The following SERINC1 variants were observed in gnomAD, a reference collection of about 807,000 sequenced individuals.
The protein encoded by SERINC1 is serine incorporator 1, also known as tumor differentially expressed protein 2.
In SERINC1, 38 loss-of-function variants were observed where a neutral mutation model predicts 52.9. The observed-to-expected ratio is 0.72, with a 90% CI of 0.55 to 0.94. The LOEUF is 0.94. Ranked by LOEUF, SERINC1 falls within the 40% of genes least tolerant of loss-of-function variation. The pLI is 0.00. For missense variants in SERINC1, 471 were observed against 533.9 expected, an observed-to-expected ratio of 0.88 and a Z score of 1.16; for synonymous variants, 198 against 183.1, an observed-to-expected ratio of 1.08 and a Z score of -0.66.
intron 5 of SERINC1, among the ~76,000 whole-genome samples, chr6:122,452,700 T>C (rs911839550): frequency 2.0e-5 from 3 of 152,190 alleles, no homozygotes; most frequent in Admixed American, 6.5e-5. Flanking sequence ...AAATATTTAT[T>C]GAATGCCTGC....
At chr6:122,455,739 G>A (rs1774981706) in intron 3 of SERINC1, among the ~76,000 whole-genome samples, 1 of 151,974 alleles carries the variant, frequency 6.6e-6, no homozygotes, top group South Asian at 2.1e-4. Flanking sequence ...ATTCATTATG[G>A]AAAAATGAGA....
chr6:122,451,925 A>G lies in SERINC1; in HGVS notation c.722T>C (p.Val241Ala), dbSNP rs1344368850. Residue 241 changes from valine (V) to alanine (A), a missense_variant, in exon 6 of 10, where the codon GTT becomes GCT. Physicochemically the swap from Val to Ala is moderately conservative, Grantham distance 64. Transcript: ENST00000339697. The part of the protein sequence containing the change: ...AFISVNMLLC[V>A]GASVMSILPK... Reference sequence around the variant, plus strand: ...CAGTATAGACATTACAGAAGCACCAACGCAGAGGAGCATGTTGACACTGAT... The same window carrying G: ...CAGTATAGACATTACAGAAGCACCAGCGCAGAGGAGCATGTTGACACTGAT... The G allele has an allele frequency of 3.1e-6, 5 of 1,596,710 alleles. No homozygotes were observed. In the African/African-American group the frequency reaches 6.8e-5, roughly 22 times the overall value.
In SERINC1 at chr6:122,444,797, C is replaced by T; in HGVS notation, c.*247G>A. ...CACAACTATAGAGCAGAGAATAAGC[C>T]CAATAATGGCCACTTTTACTAACTC... is the stretch of plus-strand genomic sequence containing the variant. On this transcript the variant is annotated 3_prime_UTR_variant, in exon 10 of 10. Transcript: ENST00000339697. The T allele has an allele frequency of 2.2e-6, 1 of 445,822 alleles. No individual in the cohort carries two copies. Among genetic ancestry groups the T allele is most frequent in the Non-Finnish European group, 4.0e-6 (1 of 251,000 alleles). The allele number at this position is 445,822 out of a possible 1,614,324, so 27.6% of individuals were successfully genotyped here. A position where few individuals can be genotyped will look rare whatever the true frequency, so the allele number is the denominator to read the frequency against.
intron 5 of SERINC1, among the ~76,000 whole-genome samples, chr6:122,453,029 A>G (rs1774938843): frequency 1.3e-5 from 2 of 152,196 alleles, no homozygotes; most frequent in Non-Finnish European, 2.9e-5. Flanking sequence ...AAAATCAAGC[A>G]ATACTAAGTT....
chr6:122,447,276 A>G lies in SERINC1; in HGVS notation c.851-11T>C. ...GGTTGCAATTTGTTTCTGTAATATA[A>G]AGCCAAATTAAAATGTTAGAATATA... On this transcript the variant is annotated splice_polypyrimidine_tract_variant and intron_variant, in intron 7 of 9. Coordinates refer to ENST00000339697, the MANE Select transcript of SERINC1 (RefSeq NM_020755.4). 1 of 1,582,544 alleles carries G rather than the reference A, an allele frequency of 6.3e-7. No individual in the cohort carries two copies.
intron 1 of SERINC1, among the ~76,000 whole-genome samples, chr6:122,463,574 T>G (rs1053112677): frequency 6.6e-6 from 1 of 152,156 alleles, no homozygotes; most frequent in African/African-American, 2.4e-5. Context: ...AAAAGGCATA[T>G]AGACAGCAAA....
intron 3 of SERINC1, among the ~76,000 whole-genome samples, chr6:122,456,270 C>CTGTG (rs1180288618): frequency 6.6e-6 from 1 of 152,120 alleles, no homozygotes; most frequent in African/African-American, 2.4e-5. Context: ...ATATAAAACA[C>CTGTG]TGTGGATCAG....
chr6:122,469,836 C>T (rs1446351230), intron 1 of SERINC1, among the ~76,000 whole-genome samples: 2 of 152,056 alleles, frequency 1.3e-5, no homozygotes, highest in Non-Finnish European at 2.9e-5. Context: ...GGATTACAGG[C>T]GTGAGCCACT....
chr6:122,449,953 G>C (rs149083175), intron 7 of SERINC1, among the ~76,000 whole-genome samples: 1 of 152,318 alleles, frequency 6.6e-6, no homozygotes, highest in African/African-American at 2.4e-5. Flanking sequence ...GACAGAAGTT[G>C]CAGTGAACGG....
chr6:122,456,458 T>A, intron 3 of SERINC1, 23 bp downstream of exon 3: 7 of 1,454,758 alleles, frequency 4.8e-6, no homozygotes, highest in Non-Finnish European at 6.4e-6. Flanking sequence ...AGCTTTTATA[T>A]TGAAGCTTAT....
chr6:122,465,571 T>A (rs777159006), intron 1 of SERINC1, among the ~76,000 whole-genome samples: 1 of 152,196 alleles, frequency 6.6e-6, no homozygotes, highest in South Asian at 2.1e-4. Context: ...GATCTATCAA[T>A]AGCCCTAGAT....
At chr6:122,449,270 A>T (rs1430294934) in intron 7 of SERINC1, among the ~76,000 whole-genome samples, 1 of 152,244 alleles carries the variant, frequency 6.6e-6, no homozygotes, top group Non-Finnish European at 1.5e-5. Context: ...TAGTTAAGAA[A>T]GCATGCCAAA....
intron 3 of SERINC1, among the ~76,000 whole-genome samples, chr6:122,455,403 A>G (rs1371377798): frequency 2.0e-5 from 3 of 152,054 alleles, no homozygotes; most frequent in Non-Finnish European, 4.4e-5. Context: ...GCAGGCAAAA[A>G]AAAAAAGTGA....
At chr6:122,445,216 G>T in intron 9 of SERINC1, 37 bp from the exon 10 acceptor site, 1 of 1,600,686 alleles carries the variant, frequency 6.2e-7, no homozygotes. Context: ...AAGGGGCAAG[G>T]GGGTTGAATT....
chr6:122,445,883 CAAA>C (rs71018202), intron 9 of SERINC1, among the ~76,000 whole-genome samples: 6 of 62,830 alleles, frequency 9.5e-5, no homozygotes, highest in African/African-American at 1.3e-4. Context: ...GACTCCATTT[CAAA>C]AAAAAAAAAA....
At chr6:122,469,230 T>C (rs1775234181) in intron 1 of SERINC1, among the ~76,000 whole-genome samples, 1 of 150,340 alleles carries the variant, frequency 6.7e-6, no homozygotes, top group Non-Finnish European at 1.5e-5. Context: ...AATTATTTTA[T>C]AAATAAGGAA....
At position 122,460,335 on chromosome 6, in the gene SERINC1, A is replaced by G. The variant is rs192441912; in HGVS notation, c.40-1654T>C. The stretch of plus-strand genomic sequence containing the variant: ...GGTGATCCGCCTACCTCGGCCTCCC[A>G]AAGTGCTGGGATTACAGGTGTGGCC... On this transcript the variant is annotated intron_variant, in intron 1 of 9. Coordinates refer to ENST00000339697, the MANE Select transcript of SERINC1 (RefSeq NM_020755.4). Among the ~76,000 whole-genome samples, 626 of 152,326 alleles carry G rather than the reference A, an allele frequency of 4.1e-3. 4 individuals carry two copies. The highest frequency in any genetic ancestry group is 7.0e-3 in the Non-Finnish European group (476 of 68,032).
intron 1 of SERINC1, among the ~76,000 whole-genome samples, chr6:122,460,174 G>A (rs977839094): frequency 6.6e-6 from 1 of 152,156 alleles, no homozygotes; most frequent in Non-Finnish European, 1.5e-5. Context: ...CCGGGTTCAA[G>A]GGATTTTCCT....
In SERINC1 at chr6:122,444,591, T is replaced by C. The variant is rs1774731314; in HGVS notation, c.*453A>G. On this transcript the variant is annotated 3_prime_UTR_variant, in exon 10 of 10. Coordinates refer to ENST00000339697, the MANE Select transcript of SERINC1 (RefSeq NM_020755.4). ...AACCTTATAAGATTTTTCAGACAAC[T>C]GGCATTTAAGTGACTTGTTTATAAA... 1 of 154,930 alleles carries C rather than the reference T, an allele frequency of 6.5e-6. No homozygotes were observed. Among genetic ancestry groups the C allele is most frequent in the Non-Finnish European group, 1.4e-5 (1 of 69,908 alleles). 9.6% of individuals were successfully genotyped at this position (154,930 alleles called of 1,614,324 possible).
Sources: allele counts gnomAD v4.1 joint callset (sites outside exome capture counted in the v4.1 genomes callset), GRCh38; gene constraint gnomAD v4.1.1; transcripts MANE v1.5; gene names NCBI Gene and HGNC (gene_info 2026-07-23, HGNC 2026-07-21).